RTN1: variants seen among roughly 807,000 people sequenced by gnomAD.
RTN1 encodes reticulon-1.
A neutral mutation model predicts 65.5 loss-of-function variants in RTN1; 25 were observed. The observed-to-expected ratio is 0.38, with a 90% CI of 0.28 to 0.53. The LOEUF is 0.53. RTN1 is among the 20% of genes least tolerant of loss of function. The pLI, the probability that RTN1 is intolerant of heterozygous loss-of-function variation, is 0.79. For synonymous variants in RTN1, 471 were observed against 447.6 expected, an observed-to-expected ratio of 1.05 and a Z score of -0.66; for missense variants, 983 against 1,025.4, an observed-to-expected ratio of 0.96 and a Z score of 0.57.
chr14:59,711,016 T>G (rs1417359761), intron 3 of RTN1, among the ~76,000 whole-genome samples: 2 of 152,204 alleles, frequency 1.3e-5, no homozygotes, highest in African/African-American at 4.8e-5. Context: ...AGTGTTGGAC[T>G]CAGGTTCAAA....
intron 1 of RTN1, among the ~76,000 whole-genome samples, chr14:59,857,333 C>T (rs1333769378): frequency 6.6e-6 from 1 of 152,162 alleles, no homozygotes; most frequent in Non-Finnish European, 1.5e-5. Flanking sequence ...CCTACAAAAT[C>T]CATTTCTTTA....
chr14:59,629,842 C>T (rs902729324), intron 3 of RTN1, among the ~76,000 whole-genome samples: 1 of 152,310 alleles, frequency 6.6e-6, no homozygotes, highest in African/African-American at 2.4e-5. Flanking sequence ...AAATAGTAGT[C>T]ACAGGTTACT....
In RTN1 at chr14:59,840,668, C is replaced by T. The variant is rs555817988; in HGVS notation, c.241+29722G>A. On this transcript the variant is annotated intron_variant, in intron 1 of 8. Transcript: ENST00000267484. The stretch of plus-strand genomic sequence containing the variant: ...ACTAAAATATTCTCCCATCTCTCTT[C>T]TTTGAAACATTCAACATTTTCCCAT... Among the ~76,000 whole-genome samples the T allele has an allele frequency of 1.0e-3, 157 of 152,306 alleles. 1 individual carries two copies. The highest frequency in any genetic ancestry group is 2.3e-3 in the South Asian group (11 of 4,828).
At chr14:59,860,070 A>G (rs1887680879) in intron 1 of RTN1, among the ~76,000 whole-genome samples, 1 of 152,232 alleles carries the variant, frequency 6.6e-6, no homozygotes, top group Non-Finnish European at 1.5e-5. Context: ...CATAAGTAAC[A>G]AGGAGCCAAA....
At chr14:59,742,164 G>A (rs1022647195) in intron 2 of RTN1, among the ~76,000 whole-genome samples, 3 of 152,098 alleles carry the variant, frequency 2.0e-5, no homozygotes, top group African/African-American at 7.2e-5. Context: ...ATCAATGCAA[G>A]GAAATAGCAA....
At chr14:59,685,398 T>C (rs1883826302) in intron 3 of RTN1, among the ~76,000 whole-genome samples, 1 of 152,184 alleles carries the variant, frequency 6.6e-6, no homozygotes, top group South Asian at 2.1e-4. Flanking sequence ...GAAGACAACA[T>C]GAACTTGTAT....
chr14:59,711,808 T>C (rs1273096147), intron 3 of RTN1, among the ~76,000 whole-genome samples: 2 of 152,300 alleles, frequency 1.3e-5, no homozygotes, highest in East Asian at 3.9e-4. Flanking sequence ...GAGATCATTG[T>C]GAAACAGGTC....
chr14:59,606,042 TA>T (rs1386333058), intron 4 of RTN1: 5 of 150,360 alleles, frequency 3.3e-5, no homozygotes, highest in Non-Finnish European at 7.4e-5. Flanking sequence ...GTGGTATTTT[TA>T]ATAATGACAT....
At chr14:59,866,672 T>C (rs1887804365) in intron 1 of RTN1, among the ~76,000 whole-genome samples, 1 of 152,128 alleles carries the variant, frequency 6.6e-6, no homozygotes, top group Non-Finnish European at 1.5e-5. Flanking sequence ...TCCAAACTCT[T>C]TTATTCATCT....
Position 59,622,628 on chromosome 14 carries a change from T to C in RTN1, c.1766-15136A>G, listed in dbSNP as rs144897052. Reference sequence around the variant, plus strand: ...AAGGAAACAAAATATCACCACAAAATGTTAACAAGAAAAAATAGAAGTAAT... The same window carrying C: ...AAGGAAACAAAATATCACCACAAAACGTTAACAAGAAAAAATAGAAGTAAT... On this transcript the variant is annotated intron_variant, in intron 3 of 8. Transcript: ENST00000267484. 2.6e-5 allele frequency among the ~76,000 whole-genome samples: 4 copies of C among 152,318 alleles called. No individual in the cohort carries two copies. The East Asian group carries it at 7.7e-4, about 29-fold the overall frequency.
intron 4 of RTN1, among the ~76,000 whole-genome samples, chr14:59,607,081 A>G (rs79016610): frequency 0.06 from 9,166 of 152,338 alleles, 353 homozygotes; most frequent in Non-Finnish European, 0.087. Context: ...CAACAAAGCA[A>G]TAAGTATTGG....
At chr14:59,785,471 T>C (rs991606021) in intron 1 of RTN1, among the ~76,000 whole-genome samples, 14 of 152,236 alleles carry the variant, frequency 9.2e-5, no homozygotes, top group African/African-American at 2.9e-4. Flanking sequence ...TTTTGTCATC[T>C]GGTACTTTGT....
chr14:59,776,355 G>A (rs1233848047), intron 1 of RTN1, among the ~76,000 whole-genome samples: 4 of 152,088 alleles, frequency 2.6e-5, no homozygotes, highest in African/African-American at 9.7e-5. Context: ...TGCTGTAAGA[G>A]CAACTTTGGC....
chr14:59,810,844 A>G (rs1412086834), intron 1 of RTN1, among the ~76,000 whole-genome samples: 4 of 152,178 alleles, frequency 2.6e-5, no homozygotes, highest in African/African-American at 9.7e-5. Context: ...ATGCTGAAGC[A>G]TCGAGTGTGA....
At chr14:59,634,615 A>C (rs1319078979) in intron 3 of RTN1, among the ~76,000 whole-genome samples, 1 of 152,202 alleles carries the variant, frequency 6.6e-6, no homozygotes, top group Non-Finnish European at 1.5e-5. Flanking sequence ...TAGAGCCCAT[A>C]CTAAGGACCT....
Position 59,751,387 on chromosome 14 carries a change from C to A in RTN1, c.242-4906G>T, listed in dbSNP as rs139472756. Among the ~76,000 whole-genome samples, 659 of 152,146 alleles carry A rather than the reference C, an allele frequency of 4.3e-3. 4 individuals carry two copies. The highest frequency in any genetic ancestry group is 7.3e-3 in the Non-Finnish European group (499 of 67,998). On this transcript the variant is annotated intron_variant, in intron 1 of 8. Transcript: ENST00000267484. ...TTATCCTGAAGAATTATTAAAGCTTCTTTCATTATATGGGCTCAGCTTATA... is the reference window on the plus strand; with the variant it reads ...TTATCCTGAAGAATTATTAAAGCTTATTTCATTATATGGGCTCAGCTTATA...
At chr14:59,832,742 C>A (rs1887147030) in intron 1 of RTN1, among the ~76,000 whole-genome samples, 1 of 152,200 alleles carries the variant, frequency 6.6e-6, no homozygotes, top group African/African-American at 2.4e-5. Context: ...CTAACATACA[C>A]AGAGATGCTA....
intron 1 of RTN1, among the ~76,000 whole-genome samples, chr14:59,840,779 G>C (rs1887297166): frequency 6.6e-6 from 1 of 152,140 alleles, no homozygotes. Context: ...TCATGAGAAA[G>C]CAGCCAAACT....
chr14:59,670,974 A>C (rs1457594945), intron 3 of RTN1, among the ~76,000 whole-genome samples: 1 of 152,180 alleles, frequency 6.6e-6, no homozygotes, highest in Non-Finnish European at 1.5e-5. Context: ...AATCTGAGCT[A>C]CCACATGTAG....
Sources: gnomAD v4.1 joint callset for allele counts (sites outside exome capture counted in the v4.1 genomes callset) on GRCh38, gnomAD v4.1.1 for gene constraint, MANE v1.5 for transcripts, NCBI Gene and HGNC (gene_info 2026-07-23, HGNC 2026-07-21) for gene names.